TTC34: variants seen among roughly 807,000 people sequenced by gnomAD.
The protein encoded by TTC34 is tetratricopeptide repeat domain 34.
Under a neutral mutation model 40.7 loss-of-function variants are expected in TTC34, and 44 were observed. The ratio of observed to expected loss-of-function variants is 1.08; its 90% CI spans 0.85 to 1.39. The LOEUF is 1.39. Ranked by LOEUF, TTC34 falls within the 40% of genes most tolerant of loss-of-function variation. TTC34 has a pLI of 0.00. For missense variants in TTC34, 884 were observed against 838.0 expected (o/e 1.05, Z -0.68); for synonymous variants, 422 against 398.6 (o/e 1.06, Z -0.70).
At chr1:2,701,917 C>T (rs1207693793) in intron 6 of TTC34, among the ~76,000 whole-genome samples, 2 of 82,450 alleles carry the variant, frequency 2.4e-5, no homozygotes, top group African/African-American at 7.5e-5. Context: ...AGGCAAAAAT[C>T]TGACAGCATG....
intron 6 of TTC34, among the ~76,000 whole-genome samples, chr1:2,646,411 GTC>G (rs986476123): frequency 1.1e-4 from 16 of 152,266 alleles, no homozygotes; most frequent in African/African-American, 2.9e-4. Flanking sequence ...TTGAGACAGG[GTC>G]TCTGTCTGTT....
rs367909399 is a variant in TTC34, at chr1:2,683,273, A to T, written c.2227-37710T>A. Among the ~76,000 whole-genome samples the T allele has an allele frequency of 9.2e-5, 12 of 129,778 alleles. No individual in the cohort carries two copies. The East Asian group carries it at 3.0e-3, about 33-fold the overall frequency. 85.1% of individuals were successfully genotyped at this position (129,778 alleles called of 152,430 possible). On this transcript the variant is annotated intron_variant, in intron 6 of 8. Coordinates refer to ENST00000401095, the Ensembl canonical transcript of TTC34. ...ATGGTTTGCAGCAGCACCCACACCC[A>T]CAGGTGAGCATCTGACAGCCTGGAA...
At chr1:2,677,433 TGGAGCAGCACCCACGCCCCCAGGCGAGCA>T (rs1639946108) in intron 6 of TTC34, among the ~76,000 whole-genome samples, 1 of 74,796 alleles carries the variant, frequency 1.3e-5, no homozygotes. Flanking sequence ...TCTGACAACC[TGGAGCAGCACCCACGCCCCCAGGCGAGCA>T]TCTGAACACA....
At chr1:2,696,154 A>C (rs1569627575) in intron 6 of TTC34, among the ~76,000 whole-genome samples, 2 of 38,540 alleles carry the variant, frequency 5.2e-5, no homozygotes, top group Non-Finnish European at 5.4e-5. Context: ...CAGCACCCAC[A>C]CCCCCAGGTA....
intron 6 of TTC34, among the ~76,000 whole-genome samples, chr1:2,753,310 C>T (rs1294414919): frequency 1.8e-5 from 2 of 113,474 alleles, no homozygotes; most frequent in Non-Finnish European, 3.5e-5. Context: ...AGGTGAGCAT[C>T]CGACAGCCTG....
chr1:2,695,588 C>G (rs369970309), intron 6 of TTC34, among the ~76,000 whole-genome samples: 1 of 58,840 alleles, frequency 1.7e-5, no homozygotes, highest in Non-Finnish European at 3.8e-5. Flanking sequence ...CCTGGAGCAG[C>G]ACCCACACTC....
chr1:2,691,965 G>C (rs576756724), intron 6 of TTC34, among the ~76,000 whole-genome samples: 1 of 78,334 alleles, frequency 1.3e-5, no homozygotes, highest in African/African-American at 4.4e-5. Flanking sequence ...GCATCTGACA[G>C]ACTGGAACAG....
chr1:2,776,004 C>G (rs1278135376), intron 6 of TTC34: 1 of 119,920 alleles, frequency 8.3e-6, no homozygotes, highest in Non-Finnish European at 1.6e-5. Flanking sequence ...ATGCCCACCA[C>G]AAGGTGAGCA....
intron 6 of TTC34, among the ~76,000 whole-genome samples, chr1:2,756,649 C>G (rs1641515575): frequency 2.4e-4 from 36 of 149,424 alleles, no homozygotes; most frequent in African/African-American, 3.7e-4. Context: ...ATCTGACAGC[C>G]TGGAACAGCA....
intron 6 of TTC34, among the ~76,000 whole-genome samples, chr1:2,749,517 CCCA>C: frequency 1.2e-5 from 1 of 81,306 alleles, no homozygotes. Flanking sequence ...TGGAGCAGCA[CCCA>C]GATTCCCAGG....
chr1:2,698,338 ATCTGACGT>A (rs1640963741), intron 6 of TTC34, among the ~76,000 whole-genome samples: 73 of 60,770 alleles, frequency 1.2e-3, no homozygotes, highest in Non-Finnish European at 1.9e-3. Flanking sequence ...CCAGGCGAGC[ATCTGACGT>A]CCTGGAACAG....
chr1:2,786,907 C>T (rs1237670463), intron 4 of TTC34, among the ~76,000 whole-genome samples: 1 of 152,230 alleles, frequency 6.6e-6, no homozygotes, highest in East Asian at 1.9e-4. Flanking sequence ...AGGACCCAAA[C>T]CGGGCCCCAG....
At chr1:2,650,759 T>C (rs767991621) in intron 6 of TTC34, among the ~76,000 whole-genome samples, 8 of 145,230 alleles carry the variant, frequency 5.5e-5, no homozygotes, top group African/African-American at 7.8e-5. Context: ...CAGGTGAGCA[T>C]CTGAAACCCT....
chr1:2,784,195 C>T (rs143005361), intron 5 of TTC34, among the ~76,000 whole-genome samples: 161 of 152,304 alleles, frequency 1.1e-3, no homozygotes, highest in Non-Finnish European at 1.7e-3. Flanking sequence ...AAGCAAGTCA[C>T]GTGATCAAAG....
chr1:2,750,233 A>T (rs1641270283), intron 6 of TTC34, among the ~76,000 whole-genome samples: 2 of 152,066 alleles, frequency 1.3e-5, no homozygotes, highest in Admixed American at 6.6e-5. Context: ...GGTCTGGAGC[A>T]GCACCCACAC....
At position 2,783,779 on chromosome 1, in the gene TTC34, C is replaced by T. The variant is rs1302781656; in HGVS notation, c.2060-4G>A. The stretch of plus-strand genomic sequence containing the variant: ...AGGGACTCACTTGCCTGGCTTCCTG[C>T]AGGAAGACGGCATGGGGTCAGGATG... On this transcript the variant is annotated splice_region_variant and splice_polypyrimidine_tract_variant and intron_variant, in intron 5 of 8. Coordinates refer to ENST00000401095, the Ensembl canonical transcript of TTC34. The T allele has an allele frequency of 6.7e-7, 1 of 1,491,816 alleles. No individual in the cohort carries two copies. Among genetic ancestry groups the T allele is most frequent in the East Asian group, 2.5e-5 (1 of 39,814 alleles). The allele number at this position is 1,491,816 out of a possible 1,614,324, so 92.4% of individuals were successfully genotyped here. A position where few individuals can be genotyped will look rare whatever the true frequency, so the allele number is the denominator to read the frequency against.
At chr1:2,786,101 C>T in intron 4 of TTC34, 78 bp from the exon 5 acceptor site, 1 of 1,272,722 alleles carries the variant, frequency 7.9e-7, no homozygotes, top group Non-Finnish European at 1.0e-6. Context: ...CGCCCCTGGC[C>T]ATCCCCCACC....
chr1:2,651,860 A>G (rs1383413123), intron 6 of TTC34, among the ~76,000 whole-genome samples: 1 of 151,850 alleles, frequency 6.6e-6, no homozygotes, highest in African/African-American at 2.4e-5. Context: ...TGAGCCTCTG[A>G]TGGACTCAAA....
At chr1:2,756,782 C>CT (rs1641521808) in intron 6 of TTC34, among the ~76,000 whole-genome samples, 2 of 150,522 alleles carry the variant, frequency 1.3e-5, no homozygotes, top group Non-Finnish European at 3.0e-5. Context: ...GAACAGCATC[C>CT]ACACCCCCAG....
Sources: allele counts gnomAD v4.1 joint callset (sites outside exome capture counted in the v4.1 genomes callset), GRCh38; gene constraint gnomAD v4.1.1; transcripts MANE v1.5; gene names NCBI Gene and HGNC (gene_info 2026-07-23, HGNC 2026-07-21).